Variants in OLFML1 observed in about 807,000 individuals in gnomAD.
The protein encoded by OLFML1 is olfactomedin like 1.
Under a neutral mutation model 37.3 loss-of-function variants are expected in OLFML1, and 33 were observed. That is an observed-to-expected ratio of 0.88 (90% CI 0.67 to 1.18). The LOEUF is 1.18. Ranked by LOEUF, OLFML1 falls within the 50% of genes most tolerant of loss-of-function variation. The pLI, the probability that OLFML1 is intolerant of heterozygous loss-of-function variation, is 0.00. For synonymous variants in OLFML1, 186 were observed against 181.3 expected (o/e 1.03, Z -0.21); for missense variants, 545 against 483.7 (o/e 1.13, Z -1.19).
intron 2 of OLFML1, among the ~76,000 whole-genome samples, chr11:7,491,550 T>A (rs1349704407): frequency 1.3e-5 from 2 of 152,234 alleles, no homozygotes; most frequent in Non-Finnish European, 2.9e-5. Flanking sequence ...AGGTTCTCTA[T>A]CTAGGAGTAG....
In OLFML1 at chr11:7,509,838, G is replaced by C. The variant is rs773755357; in HGVS notation, c.859G>C (p.Gly287Arg). ...HGLWAIHSGP[G>R]THSHLVLTKI... ...GCTCTGGGCCATCCACTCTGGGCCA[G>C]GCACCCATAGCCATTTGGTTCTCAC... Residue 287 changes from glycine to arginine, a missense_variant, in exon 3 of 3, where the codon GGC becomes CGC. Gly to Arg is a moderately radical substitution (Grantham distance 125). Coordinates refer to ENST00000329293, the MANE Select transcript of OLFML1 (RefSeq NM_198474.4). 1 of 1,614,122 alleles carries C rather than the reference G, an allele frequency of 6.2e-7. No individual in the cohort carries two copies. Among genetic ancestry groups the C allele is most frequent in the East Asian group, 2.2e-5 (1 of 44,898 alleles).
chr11:7,498,268 A>G (rs1848685446), intron 2 of OLFML1, among the ~76,000 whole-genome samples: 1 of 152,232 alleles, frequency 6.6e-6, no homozygotes, highest in African/African-American at 2.4e-5. Context: ...GCTCTGCAGG[A>G]GCAGAGGATT....
chr11:7,505,830 C>T (rs976558895), intron 2 of OLFML1, among the ~76,000 whole-genome samples: 1 of 107,032 alleles, frequency 9.3e-6, no homozygotes, highest in African/African-American at 3.5e-5. Context: ...AAACCTGTCT[C>T]ACCTGTCTTA....
At chr11:7,507,596 T>C (rs1848800787) in intron 2 of OLFML1, among the ~76,000 whole-genome samples, 1 of 151,688 alleles carries the variant, frequency 6.6e-6, no homozygotes, top group Non-Finnish European at 1.5e-5. Context: ...GTTGCCAGGC[T>C]GGAGTGCAGT....
chr11:7,500,056 C>G (rs1228463391), intron 2 of OLFML1, among the ~76,000 whole-genome samples: 1 of 152,116 alleles, frequency 6.6e-6, no homozygotes. Context: ...CCAAGCCCAA[C>G]TAATTTTTGT....
chr11:7,506,138 A>C (rs1010912984), intron 2 of OLFML1, among the ~76,000 whole-genome samples: 1 of 152,296 alleles, frequency 6.6e-6, no homozygotes, highest in Admixed American at 6.5e-5. Flanking sequence ...ATGGAAAGAG[A>C]AATGAAGCAA....
chr11:7,489,359 A>G (rs1848568272), intron 2 of OLFML1, among the ~76,000 whole-genome samples: 1 of 152,204 alleles, frequency 6.6e-6, no homozygotes, highest in East Asian at 1.9e-4. Flanking sequence ...AAGTCAGGGC[A>G]CAATATACCA....
At chr11:7,503,270 C>G (rs141832293) in intron 2 of OLFML1, among the ~76,000 whole-genome samples, 1 of 151,640 alleles carries the variant, frequency 6.6e-6, no homozygotes, top group East Asian at 1.9e-4. Context: ...AAAGAGGAGG[C>G]CTGAGGATAA....
intron 2 of OLFML1, among the ~76,000 whole-genome samples, chr11:7,489,650 T>C (rs986483920): frequency 1.3e-5 from 2 of 152,104 alleles, no homozygotes; most frequent in African/African-American, 2.4e-5. Context: ...CAACAAGTAA[T>C]AGTGTTGGCA....
rs1424411801 is a variant in OLFML1 at position 7,510,378 on chromosome 11, A to G, written c.*190A>G. ...ATCTTCCAAGAGCTTAGATGAGAGC[A>G]TATCATCAGGAAAGTTTCAACAATG... is the stretch of plus-strand genomic sequence containing the variant. On this transcript the variant is annotated 3_prime_UTR_variant, in exon 3 of 3. Coordinates refer to ENST00000329293, the MANE Select transcript of OLFML1 (RefSeq NM_198474.4). The G allele has an allele frequency of 1.4e-5, 8 of 564,642 alleles. No homozygotes were observed. Among genetic ancestry groups the G allele is most frequent in the African/African-American group, 1.9e-5 (1 of 53,476 alleles). The allele number at this position is 564,642 out of a possible 1,614,324, so 35.0% of individuals were successfully genotyped here.
At chr11:7,495,107 G>A (rs1848646823) in intron 2 of OLFML1, among the ~76,000 whole-genome samples, 1 of 152,130 alleles carries the variant, frequency 6.6e-6, no homozygotes. Context: ...ACTATATCCA[G>A]TAGATTTTTT....
chr11:7,495,772 A>T (rs1306915327), intron 2 of OLFML1, among the ~76,000 whole-genome samples: 1 of 152,214 alleles, frequency 6.6e-6, no homozygotes, highest in African/African-American at 2.4e-5. Context: ...TCTGATGACC[A>T]CAACAACCAA....
intron 2 of OLFML1, among the ~76,000 whole-genome samples, chr11:7,491,377 T>G (rs151191962): frequency 1.6e-3 from 239 of 152,270 alleles, no homozygotes; most frequent in African/African-American, 5.4e-3. Context: ...CTTTTCTGCA[T>G]TCACAGAGCC....
At position 7,494,792 on chromosome 11, in the gene OLFML1, C is replaced by A. The variant is rs181503914; in HGVS notation, c.418+6377C>A. 1.5e-3 allele frequency among the ~76,000 whole-genome samples: 221 copies of A among 152,252 alleles called. 1 individual carries two copies. Among genetic ancestry groups the A allele is most frequent in the Admixed American group, 9.9e-3 (152 of 15,280 alleles). ...AGGAGCCTTCTGTTGAGAGTAGGTG[C>A]CTGGGCCCAGAAGTTCTAGCTGTTC... On this transcript the variant is annotated intron_variant, in intron 2 of 2. Coordinates refer to ENST00000329293, the MANE Select transcript of OLFML1 (RefSeq NM_198474.4).
chr11:7,493,443 A>C lies in OLFML1; in HGVS notation c.418+5028A>C, dbSNP rs144411824. On this transcript the variant is annotated intron_variant, in intron 2 of 2. Coordinates refer to ENST00000329293, the MANE Select transcript of OLFML1 (RefSeq NM_198474.4). Reference sequence around the variant, plus strand: ...CAAAATATTAAAAGAGGTATAACTAATTTGCAACAGATGTGTTTACCACAA... The same window carrying C: ...CAAAATATTAAAAGAGGTATAACTACTTTGCAACAGATGTGTTTACCACAA... Among the ~76,000 whole-genome samples the C allele has an allele frequency of 3.1e-3, 466 of 152,366 alleles. 5 individuals carry two copies. The highest frequency in any genetic ancestry group is 0.011 in the African/African-American group (454 of 41,582).
chr11:7,502,038 T>C (rs146480477), intron 2 of OLFML1, among the ~76,000 whole-genome samples: 1 of 152,336 alleles, frequency 6.6e-6, no homozygotes, highest in Non-Finnish European at 1.5e-5. Context: ...CTAGAGTAGA[T>C]AATTTTCGGG....
chr11:7,489,076 C>T (rs1848564823), intron 2 of OLFML1: 1 of 152,318 alleles, frequency 6.6e-6, no homozygotes, highest in East Asian at 1.9e-4. Flanking sequence ...ACAAATCTCC[C>T]ACTTCAGGGT....
chr11:7,486,881 C>A (rs1029858580), intron 1 of OLFML1, among the ~76,000 whole-genome samples: 1 of 152,188 alleles, frequency 6.6e-6, no homozygotes, highest in African/African-American at 2.4e-5. Context: ...CATAGCAGGC[C>A]GAATGCATTT....
intron 2 of OLFML1, among the ~76,000 whole-genome samples, chr11:7,505,692 C>A (rs2134186034): frequency 6.6e-6 from 1 of 152,234 alleles, no homozygotes; most frequent in Non-Finnish European, 1.5e-5. Flanking sequence ...TTAGCTGGAC[C>A]TGGTGGTATG....
Sources: allele counts gnomAD v4.1 joint callset (sites outside exome capture counted in the v4.1 genomes callset), GRCh38; gene constraint gnomAD v4.1.1; transcripts MANE v1.5; gene names NCBI Gene and HGNC (gene_info 2026-07-23, HGNC 2026-07-21).